The following CNTN5 variants were observed in gnomAD, a reference collection of about 807,000 sequenced individuals.
CNTN5 encodes contactin 5, also known as contactin-5.
A neutral mutation model predicts 129.1 loss-of-function variants in CNTN5; 77 were observed. That is an observed-to-expected ratio of 0.60 (90% CI 0.50 to 0.72). The LOEUF (loss-of-function observed/expected upper bound fraction) is 0.72, where lower values mean the gene tolerates loss of function less well. Among genes scored for constraint, CNTN5 ranks in the 30% least tolerant of loss-of-function variants. CNTN5 has a pLI of 0.00. For missense variants in CNTN5, 1,478 were observed against 1,328.8 expected (o/e 1.11, Z -1.75); for synonymous variants, 509 against 465.6 (o/e 1.09, Z -1.20).
chr11:100,116,160 C>G (rs577598188), intron 13 of CNTN5, among the ~76,000 whole-genome samples: 2 of 151,956 alleles, frequency 1.3e-5, no homozygotes, highest in African/African-American at 4.8e-5. Flanking sequence ...ATCAAAAAGT[C>G]ACATATGAGA....
chr11:100,211,195 C>T (rs1949022546), intron 15 of CNTN5, among the ~76,000 whole-genome samples: 1 of 152,096 alleles, frequency 6.6e-6, no homozygotes, highest in Admixed American at 6.5e-5. Context: ...TTAAGAACTT[C>T]TGGTGGGTGA....
intron 15 of CNTN5, among the ~76,000 whole-genome samples, chr11:100,204,453 G>A (rs1446493808): frequency 6.8e-6 from 1 of 147,320 alleles, no homozygotes; most frequent in Non-Finnish European, 1.5e-5. Context: ...TATAGATATA[G>A]ATCTGTAAAT....
intron 11 of CNTN5, among the ~76,000 whole-genome samples, 168 bp downstream of exon 11, chr11:100,070,728 C>T (rs1245651389): frequency 6.6e-6 from 1 of 152,100 alleles, no homozygotes; most frequent in Non-Finnish European, 1.5e-5. Flanking sequence ...GAGAATTTAA[C>T]TCAATGTCTG....
At chr11:99,177,345 G>T (rs1857826531) in intron 1 of CNTN5, among the ~76,000 whole-genome samples, 1 of 152,064 alleles carries the variant, frequency 6.6e-6, no homozygotes, top group South Asian at 2.1e-4. Flanking sequence ...TCAGAAGATG[G>T]AATAGTGTCT....
At chr11:100,212,698 T>C (rs574022723) in intron 15 of CNTN5, among the ~76,000 whole-genome samples, 3 of 152,236 alleles carry the variant, frequency 2.0e-5, no homozygotes, top group South Asian at 4.1e-4. Flanking sequence ...TGATTCCTAA[T>C]GACTTTATCT....
intron 9 of CNTN5, among the ~76,000 whole-genome samples, chr11:100,010,750 CCCCTTACTATA>C (rs1940477463): frequency 1.3e-5 from 2 of 152,256 alleles, no homozygotes; most frequent in East Asian, 3.9e-4. Context: ...ATCAACTGCA[CCCCTTACTATA>C]CCTCAGCCAT....
intron 1 of CNTN5, among the ~76,000 whole-genome samples, chr11:99,231,762 T>C (rs908845443): frequency 3.9e-5 from 6 of 152,200 alleles, no homozygotes; most frequent in Admixed American, 6.5e-5. Context: ...GATTTTCTTC[T>C]AGGGTTTATA....
chr11:100,350,040 G>C (rs1295602484), intron 23 of CNTN5, among the ~76,000 whole-genome samples: 2 of 151,688 alleles, frequency 1.3e-5, no homozygotes, highest in Non-Finnish European at 2.9e-5. Context: ...TGTCTAAAAA[G>C]CTTTAGCTTT....
intron 2 of CNTN5, among the ~76,000 whole-genome samples, chr11:99,510,385 A>G (rs946490790): frequency 6.6e-6 from 1 of 152,198 alleles, no homozygotes; most frequent in Non-Finnish European, 1.5e-5. Context: ...AGAAACTATC[A>G]AAGTGAAACT....
chr11:99,086,338 C>T (rs1386606604), intron 1 of CNTN5, among the ~76,000 whole-genome samples: 3 of 152,128 alleles, frequency 2.0e-5, no homozygotes, highest in Non-Finnish European at 4.4e-5. Flanking sequence ...TCAAGGAATA[C>T]CTGGAGCTGG....
intron 1 of CNTN5, among the ~76,000 whole-genome samples, chr11:99,199,478 A>G (rs762773476): frequency 3.9e-5 from 6 of 152,202 alleles, no homozygotes; most frequent in Non-Finnish European, 7.4e-5. Flanking sequence ...TTAAAACAAC[A>G]ACCCGACATT....
chr11:100,116,495 C>A (rs1244567258), intron 13 of CNTN5, among the ~76,000 whole-genome samples: 1 of 150,638 alleles, frequency 6.6e-6, no homozygotes, highest in African/African-American at 2.4e-5. Flanking sequence ...GGCTTGATTA[C>A]CAGAGGGAAT....
At chr11:99,895,839 C>T (rs1381380864) in intron 6 of CNTN5, among the ~76,000 whole-genome samples, 1 of 152,172 alleles carries the variant, frequency 6.6e-6, no homozygotes, top group Non-Finnish European at 1.5e-5. Context: ...CCGGTTCCAG[C>T]AGCCACTGCC....
At chr11:100,283,222 A>G (rs959489901) in intron 18 of CNTN5, among the ~76,000 whole-genome samples, 3 of 152,134 alleles carry the variant, frequency 2.0e-5, no homozygotes, top group Admixed American at 2.0e-4. Flanking sequence ...GAAATGTCAT[A>G]CAGGAGCTAG....
intron 1 of CNTN5, among the ~76,000 whole-genome samples, chr11:99,112,670 C>T (rs1009250454): frequency 6.6e-6 from 1 of 151,914 alleles, no homozygotes; most frequent in Admixed American, 6.6e-5. Flanking sequence ...AAGTGCCCTT[C>T]AGGGATCTAA....
chr11:99,437,735 A>C (rs1943657041), intron 2 of CNTN5, among the ~76,000 whole-genome samples: 1 of 152,204 alleles, frequency 6.6e-6, no homozygotes, highest in Non-Finnish European at 1.5e-5. Context: ...AGACAGGAGA[A>C]TCGCCTGAAC....
At chr11:99,534,542 A>G (rs1450015270) in intron 2 of CNTN5, among the ~76,000 whole-genome samples, 7 of 152,228 alleles carry the variant, frequency 4.6e-5, no homozygotes, top group Non-Finnish European at 8.8e-5. Flanking sequence ...AATTTATGCT[A>G]TAAGTCATCA....
intron 13 of CNTN5, among the ~76,000 whole-genome samples, chr11:100,136,200 TG>T (rs1182688067): frequency 6.6e-6 from 1 of 152,102 alleles, no homozygotes; most frequent in Non-Finnish European, 1.5e-5. Context: ...AGCATAACAC[TG>T]GTCTTGGGAA....
At chr11:99,444,400 C>T (rs956274869) in intron 2 of CNTN5, among the ~76,000 whole-genome samples, 12 of 152,196 alleles carry the variant, frequency 7.9e-5, no homozygotes, top group African/African-American at 2.9e-4. Context: ...AAGCAAATAT[C>T]CTAGTTAAAA....
Sources: gnomAD v4.1 joint callset for allele counts (sites outside exome capture counted in the v4.1 genomes callset) on GRCh38, gnomAD v4.1.1 for gene constraint, MANE v1.5 for transcripts, NCBI Gene and HGNC (gene_info 2026-07-23, HGNC 2026-07-21) for gene names.